The following AMBRA1 variants were observed in gnomAD, a reference collection of about 807,000 sequenced individuals.
The protein encoded by AMBRA1 is activating molecule in BECN1-regulated autophagy protein 1.
In AMBRA1, 47 loss-of-function variants were observed where a neutral mutation model predicts 125.4. That is an observed-to-expected ratio of 0.37 (90% CI 0.30 to 0.48). AMBRA1 has a LOEUF of 0.48. Ranked by LOEUF, AMBRA1 falls within the 20% of genes least tolerant of loss-of-function variation. The pLI is 0.99. For synonymous variants in AMBRA1, 626 were observed against 655.5 expected, an observed-to-expected ratio of 0.95 and a Z score of 0.69; for missense variants, 1,331 against 1,693.4, an observed-to-expected ratio of 0.79 and a Z score of 3.76.
intron 11 of AMBRA1, among the ~76,000 whole-genome samples, chr11:46,460,035 G>A (rs1949029395): frequency 2.0e-5 from 3 of 152,090 alleles, no homozygotes. Flanking sequence ...CAAAAAATCT[G>A]TGCTATATAA....
At chr11:46,592,325 T>G (rs1252462785) in intron 1 of AMBRA1, among the ~76,000 whole-genome samples, 2 of 152,108 alleles carry the variant, frequency 1.3e-5, no homozygotes, top group Non-Finnish European at 2.9e-5. Flanking sequence ...GTCCCCAGAC[T>G]TTCCAAGCTG....
intron 14 of AMBRA1, among the ~76,000 whole-genome samples, chr11:46,427,917 G>C (rs1271283085): frequency 2.0e-5 from 3 of 150,806 alleles, no homozygotes; most frequent in Non-Finnish European, 4.4e-5. Context: ...GCTGAGGCAG[G>C]AGAATCACTT....
intron 1 of AMBRA1, among the ~76,000 whole-genome samples, chr11:46,556,182 G>A (rs1309487061): frequency 8.5e-5 from 13 of 152,234 alleles, no homozygotes; most frequent in Admixed American, 7.2e-4. Flanking sequence ...GGTTTTCTAC[G>A]ACTGGCAGCT....
At chr11:46,548,530 C>T (rs1591091263) in intron 1 of AMBRA1, 30 bp from the exon 2 acceptor site, 4 of 916,174 alleles carry the variant, frequency 4.4e-6, no homozygotes, top group East Asian at 5.2e-5. Flanking sequence ...TGTCAAAGAA[C>T]GACTTCTGCA....
chr11:46,492,935 G>T (rs960628975), intron 11 of AMBRA1, among the ~76,000 whole-genome samples: 1 of 152,218 alleles, frequency 6.6e-6, no homozygotes, highest in African/African-American at 2.4e-5. Flanking sequence ...TGTAGTCCTA[G>T]CTACTCGGGA....
At chr11:46,499,528 A>G (rs1468967411) in intron 9 of AMBRA1, among the ~76,000 whole-genome samples, 1 of 152,236 alleles carries the variant, frequency 6.6e-6, no homozygotes, top group African/African-American at 2.4e-5. Context: ...ATTCAGGTAA[A>G]GTATGTATTT....
chr11:46,459,508 C>T (rs1324689421), intron 11 of AMBRA1, among the ~76,000 whole-genome samples: 4 of 151,946 alleles, frequency 2.6e-5, no homozygotes, highest in African/African-American at 4.8e-5. Flanking sequence ...GTCAGGAGTT[C>T]GAGACCAGCC....
At chr11:46,456,913 G>A (rs940784449) in intron 11 of AMBRA1, among the ~76,000 whole-genome samples, 32 of 151,832 alleles carry the variant, frequency 2.1e-4, no homozygotes, top group African/African-American at 6.8e-4. Context: ...CTCCTCTTCC[G>A]CCCCCACTCA....
At chr11:46,514,304 T>C (rs1330359807) in intron 7 of AMBRA1, among the ~76,000 whole-genome samples, 1 of 152,160 alleles carries the variant, frequency 6.6e-6, no homozygotes, top group African/African-American at 2.4e-5. Flanking sequence ...GGAAGAGACA[T>C]AGCAAAGGCC....
In AMBRA1 at chr11:46,527,789, G is replaced by GA. The variant is rs148209480; in HGVS notation, c.2072+14155dup. Among the ~76,000 whole-genome samples the GA allele has an allele frequency of 4.1e-3, 595 of 145,900 alleles. 2 individuals carry two copies. Among genetic ancestry groups the GA allele is most frequent in the African/African-American group, 0.013 (520 of 39,886 alleles). On this transcript the variant is annotated intron_variant, in intron 7 of 17. Transcript: ENST00000683756. The stretch of plus-strand genomic sequence containing the variant: ...CCTGTTAGGATGACCACTATAAAAA[G>GA]AAAAAAAAAACAGGAAATAACAAGT...
At chr11:46,470,349 G>C (rs1044474316) in intron 11 of AMBRA1, among the ~76,000 whole-genome samples, 2 of 152,164 alleles carry the variant, frequency 1.3e-5, no homozygotes, top group African/African-American at 2.4e-5. Context: ...AGCACTTTGG[G>C]AGTCCGAGAC....
At chr11:46,491,371 A>T (rs951690020) in intron 11 of AMBRA1, 1 of 152,228 alleles carries the variant, frequency 6.6e-6, no homozygotes, top group Non-Finnish European at 1.5e-5. Flanking sequence ...CTCCACTGTT[A>T]ATTAGGTAAT....
chr11:46,587,856 G>C (rs978676689), intron 1 of AMBRA1, among the ~76,000 whole-genome samples: 1 of 152,092 alleles, frequency 6.6e-6, no homozygotes, highest in Non-Finnish European at 1.5e-5. Context: ...CATCTTCATA[G>C]GTAAGGGTTG....
intron 17 of AMBRA1, 113 bp from the exon 18 acceptor site, chr11:46,398,056 G>C: frequency 7.3e-7 from 1 of 1,365,446 alleles, no homozygotes; most frequent in Non-Finnish European, 9.7e-7. Flanking sequence ...GCAGGATAGA[G>C]AAAGACTCGC....
intron 9 of AMBRA1, 24 bp from the exon 10 acceptor site, chr11:46,494,228 C>T (rs773867986): frequency 3.9e-6 from 6 of 1,558,258 alleles, no homozygotes; most frequent in Admixed American, 1.8e-5. Flanking sequence ...AAACACTACA[C>T]ATAAGAGAGT....
intron 8 of AMBRA1, among the ~76,000 whole-genome samples, chr11:46,509,321 C>T (rs566299678): frequency 3.0e-4 from 45 of 152,172 alleles, no homozygotes; most frequent in African/African-American, 9.6e-4. Context: ...TATAATTTGA[C>T]GCTATGGACT....
intron 1 of AMBRA1, among the ~76,000 whole-genome samples, chr11:46,570,261 CAAAAAAAAAAAAAAA>C (rs200875374): frequency 4.2e-4 from 6 of 14,260 alleles, no homozygotes; most frequent in Admixed American, 7.7e-4. Flanking sequence ...GACCATGTCT[CAAAAAAAAAAAAAAA>C]AAAAAAAAAA....
At position 46,545,633 on chromosome 11, in the gene AMBRA1, C is replaced by T. The variant is rs1952982338; in HGVS notation, c.522G>A (p.Val174=). The stretch of plus-strand genomic sequence containing the variant: ...CCCGTTCCATCTCACTAGCTGTCTT[C>T]ACCACAGCAAAGGGTTCCCGTCGAC... ...DWSRREPFAV[V]KTASEMERVR... Residue 174 remains valine, a synonymous_variant, in exon 5 of 18, where the codon GTG becomes GTA. Coordinates refer to ENST00000683756, the MANE Select transcript of AMBRA1 (RefSeq NM_001387011.1). 6 of 1,614,118 alleles carry T rather than the reference C, an allele frequency of 3.7e-6. No homozygotes were observed. Among genetic ancestry groups the T allele is most frequent in the Non-Finnish European group, 5.1e-6 (6 of 1,179,988 alleles).
intron 7 of AMBRA1, among the ~76,000 whole-genome samples, chr11:46,519,004 A>G (rs895013314): frequency 1.3e-5 from 2 of 152,186 alleles, no homozygotes; most frequent in African/African-American, 4.8e-5. Flanking sequence ...CAACTGAAAG[A>G]AAAGAACCTT....
Sources: gnomAD v4.1 joint callset for allele counts (sites outside exome capture counted in the v4.1 genomes callset) on GRCh38, gnomAD v4.1.1 for gene constraint, MANE v1.5 for transcripts, NCBI Gene and HGNC (gene_info 2026-07-23, HGNC 2026-07-21) for gene names.